CFAP251: variants seen among roughly 807,000 people sequenced by gnomAD.
The protein encoded by CFAP251 is cilia and flagella associated protein 251, also known as cilia- and flagella-associated protein 251.
A neutral mutation model predicts 126.7 loss-of-function variants in CFAP251; 93 were observed. The ratio of observed to expected loss-of-function variants is 0.73; its 90% CI spans 0.62 to 0.87. The LOEUF is 0.87. CFAP251 is among the 40% of genes least tolerant of loss of function. The pLI is 0.00. For synonymous variants in CFAP251, 503 were observed against 506.9 expected (o/e 0.99, Z 0.10); for missense variants, 1,287 against 1,389.2 (o/e 0.93, Z 1.17).
intron 8 of CFAP251, chr12:121,950,206 G>A (rs1050345809): frequency 1.3e-5 from 2 of 152,232 alleles, no homozygotes; most frequent in Admixed American, 6.5e-5. Context: ...CTAAATGAAA[G>A]ACACCAGACA....
chr12:121,961,194 G>A (rs977495015), intron 14 of CFAP251, among the ~76,000 whole-genome samples: 1 of 152,134 alleles, frequency 6.6e-6, no homozygotes, highest in African/African-American at 2.4e-5. Flanking sequence ...ACAGAGTCAG[G>A]TGAAATGGAT....
chr12:121,932,569 C>A (rs1026789805), intron 4 of CFAP251: 1 of 152,574 alleles, frequency 6.6e-6, no homozygotes, highest in African/African-American at 2.4e-5. Context: ...ATTTACCTTT[C>A]CAAGCATCCT....
intron 3 of CFAP251, among the ~76,000 whole-genome samples, chr12:121,930,471 G>A (rs1272535570): frequency 7.3e-6 from 1 of 137,652 alleles, no homozygotes; most frequent in East Asian, 2.7e-4. Flanking sequence ...TGGCAACAGA[G>A]TGAGACTCTG....
chr12:121,980,155 C>T (rs1882584003), intron 19 of CFAP251, among the ~76,000 whole-genome samples: 1 of 152,164 alleles, frequency 6.6e-6, no homozygotes, highest in South Asian at 2.1e-4. Flanking sequence ...CAGGCATGTG[C>T]CACTCAGGTT....
chr12:121,935,823 C>T (rs10840631), intron 5 of CFAP251, among the ~76,000 whole-genome samples: 48,813 of 152,122 alleles, frequency 0.32, 10,132 homozygotes, highest in Non-Finnish European at 0.47. Context: ...GTTGTGTTCC[C>T]TCCTTGTATC....
chr12:121,967,665 G>A (rs112150657), intron 16 of CFAP251, among the ~76,000 whole-genome samples: 10 of 152,312 alleles, frequency 6.6e-5, no homozygotes, highest in Non-Finnish European at 1.5e-4. Flanking sequence ...TCGCGCCACT[G>A]CAGTCCAGCC....
rs574722716 is a variant in CFAP251, at chr12:121,968,809, A to G, written c.2771+640A>G. ...GATCCCTGTAAAGATCAGGTAGTTT[A>G]ATAGGGGAAAAGCACCTAGTACAGA... is the stretch of plus-strand genomic sequence containing the variant. On this transcript the variant is annotated intron_variant, in intron 17 of 21. Coordinates refer to ENST00000288912, the MANE Select transcript of CFAP251 (RefSeq NM_144668.6). 1.8e-5 allele frequency: 14 copies of G among 786,218 alleles called. No individual in the cohort carries two copies. The South Asian group carries it at 8.1e-4, about 45-fold the overall frequency. The allele number at this position is 786,218 out of a possible 1,614,324, so 48.7% of individuals were successfully genotyped here. A position where few individuals can be genotyped will look rare whatever the true frequency, so the allele number is the denominator to read the frequency against.
chr12:121,958,958 C>A lies in CFAP251; in HGVS notation c.1997C>A (p.Ala666Asp). 2 of 1,588,062 alleles carry A rather than the reference C, an allele frequency of 1.3e-6. No individual in the cohort carries two copies. The highest frequency in any genetic ancestry group is 1.7e-6 in the Non-Finnish European group (2 of 1,172,548). ...GTCATTTCAGGAGCCCTTCTTGGAG[C>A]TGGCTTTACAGAGGGGACAGTTTAC... ...TYNPEGALLG[A>D]GFTEGTVYIL... Residue 666 changes from alanine to aspartate, a missense_variant, in exon 13 of 22, where the codon GCT becomes GAT. Physicochemically the swap from Ala to Asp is moderately radical, Grantham distance 126. Coordinates refer to ENST00000288912, the MANE Select transcript of CFAP251 (RefSeq NM_144668.6).
chr12:121,962,699 GA>G (rs4069667), intron 15 of CFAP251, among the ~76,000 whole-genome samples: 12,488 of 114,060 alleles, frequency 0.11, 1,061 homozygotes, highest in African/African-American at 0.27. Flanking sequence ...GTGCAAAGAA[GA>G]AAAAAAAAAA....
intron 19 of CFAP251, among the ~76,000 whole-genome samples, chr12:121,981,418 C>T (rs1417931677): frequency 3.9e-5 from 6 of 152,026 alleles, no homozygotes; most frequent in Non-Finnish European, 7.4e-5. Flanking sequence ...TGCAGTGAGC[C>T]GTGATCACGC....
At chr12:121,992,409 T>C (rs976183644) in intron 19 of CFAP251, 1 of 985,268 alleles carries the variant, frequency 1.0e-6, no homozygotes, top group Non-Finnish European at 1.2e-6. Flanking sequence ...AATCACATGC[T>C]GAGTGGTTTG....
At chr12:121,976,019 T>C (rs1165184382) in intron 19 of CFAP251, among the ~76,000 whole-genome samples, 1 of 151,488 alleles carries the variant, frequency 6.6e-6, no homozygotes, top group Non-Finnish European at 1.5e-5. Flanking sequence ...TTCTTTTTTT[T>C]TTTTTTTGAG....
chr12:121,936,583 G>C (rs902728082), intron 5 of CFAP251, among the ~76,000 whole-genome samples: 3 of 152,166 alleles, frequency 2.0e-5, no homozygotes, highest in African/African-American at 7.2e-5. Flanking sequence ...ACGCCACCTT[G>C]TGTGACAGCC....
chr12:121,969,088 G>A (rs1244173828), intron 17 of CFAP251: 2 of 985,210 alleles, frequency 2.0e-6, no homozygotes, highest in African/African-American at 3.5e-5. Flanking sequence ...ACGTTGAGGA[G>A]CAAAAACAGC....
At chr12:121,994,172 G>A (rs2056772637) in intron 19 of CFAP251, among the ~76,000 whole-genome samples, 2 of 79,284 alleles carry the variant, frequency 2.5e-5, no homozygotes, top group East Asian at 5.4e-4. Flanking sequence ...CAGCCCCCCC[G>A]CCCGGCCAGC....
At chr12:121,930,834 C>T (rs184011577) in intron 3 of CFAP251, among the ~76,000 whole-genome samples, 5 of 151,552 alleles carry the variant, frequency 3.3e-5, no homozygotes, top group East Asian at 3.9e-4. Context: ...CTGCAACCTC[C>T]GCCTCCCAGG....
intron 15 of CFAP251, among the ~76,000 whole-genome samples, chr12:121,966,297 G>A (rs1295582084): frequency 8.2e-6 from 1 of 122,608 alleles, no homozygotes; most frequent in Non-Finnish European, 1.7e-5. Flanking sequence ...GTCTTGCTCT[G>A]TCACCCAGGA....
chr12:121,943,097 G>A, intron 7 of CFAP251, 122 bp downstream of exon 7: 1 of 991,646 alleles, frequency 1.0e-6, no homozygotes, highest in Non-Finnish European at 1.5e-6. Context: ...GTTATCACTT[G>A]AGGTCAGGAG....
intron 19 of CFAP251, among the ~76,000 whole-genome samples, chr12:121,987,307 G>A (rs1038993378): frequency 1.3e-5 from 2 of 152,192 alleles, no homozygotes; most frequent in Admixed American, 6.5e-5. Flanking sequence ...CCTGCCCAGC[G>A]AGAGGTGGGC....
Sources: allele counts gnomAD v4.1 joint callset (sites outside exome capture counted in the v4.1 genomes callset), GRCh38; gene constraint gnomAD v4.1.1; transcripts MANE v1.5; gene names NCBI Gene and HGNC (gene_info 2026-07-23, HGNC 2026-07-21).